The following XRCC4 variants were observed in gnomAD, a reference collection of about 807,000 sequenced individuals.
XRCC4 encodes the protein X-ray repair cross complementing 4, also known as DNA repair protein XRCC4.
Under a neutral mutation model 39.1 loss-of-function variants are expected in XRCC4, and 28 were observed. The observed-to-expected ratio is 0.72, with a 90% confidence interval of 0.53 to 0.98. The LOEUF is 0.98. XRCC4 is among the 50% of genes least tolerant of loss of function. XRCC4 has a pLI of 0.00. For synonymous variants in XRCC4, 123 were observed against 126.4 expected (o/e 0.97, Z 0.18); for missense variants, 350 against 376.4 (o/e 0.93, Z 0.58).
chr5:83,208,898 A>G (rs1475494721), intron 6 of XRCC4, among the ~76,000 whole-genome samples: 8 of 152,050 alleles, frequency 5.3e-5, no homozygotes, highest in African/African-American at 1.4e-4. Context: ...CCTGGATTTT[A>G]TAGGTATTTC....
At chr5:83,255,670 A>G (rs1753510347) in intron 6 of XRCC4, among the ~76,000 whole-genome samples, 1 of 152,308 alleles carries the variant, frequency 6.6e-6, no homozygotes, top group Non-Finnish European at 1.5e-5. Context: ...CTAAATATTT[A>G]CTTGTAAGTA....
intron 6 of XRCC4, among the ~76,000 whole-genome samples, chr5:83,256,659 T>C (rs972001649): frequency 1.3e-5 from 2 of 151,986 alleles, no homozygotes; most frequent in Non-Finnish European, 2.9e-5. Flanking sequence ...AAAAACTTCC[T>C]TTTTAATTTA....
intron 1 of XRCC4, among the ~76,000 whole-genome samples, chr5:83,093,443 C>T (rs1403623196): frequency 6.6e-6 from 1 of 152,170 alleles, no homozygotes; most frequent in African/African-American, 2.4e-5. Context: ...TTAAGCAACA[C>T]TTTAAATGAA....
At chr5:83,183,999 G>A (rs1750322297) in intron 3 of XRCC4, among the ~76,000 whole-genome samples, 1 of 151,780 alleles carries the variant, frequency 6.6e-6, no homozygotes. Flanking sequence ...AGTTTTTCAG[G>A]GGAATATTTT....
intron 6 of XRCC4, among the ~76,000 whole-genome samples, chr5:83,236,093 T>G (rs1041086809): frequency 6.6e-6 from 1 of 151,980 alleles, no homozygotes; most frequent in Non-Finnish European, 1.5e-5. Context: ...GGAAAGATAA[T>G]CCATGTTCAT....
intron 1 of XRCC4, among the ~76,000 whole-genome samples, chr5:83,096,317 G>A (rs1432742109): frequency 6.6e-6 from 1 of 152,146 alleles, no homozygotes; most frequent in Non-Finnish European, 1.5e-5. Flanking sequence ...AACCACAGAT[G>A]AGGGGGGCTG....
At chr5:83,224,980 G>C (rs1203995025) in intron 6 of XRCC4, among the ~76,000 whole-genome samples, 3 of 152,058 alleles carry the variant, frequency 2.0e-5, no homozygotes, top group African/African-American at 7.2e-5. Context: ...GATTTATCTT[G>C]TTTATTTGTT....
At chr5:83,137,849 A>C (rs2112507168) in intron 3 of XRCC4, among the ~76,000 whole-genome samples, 1 of 152,254 alleles carries the variant, frequency 6.6e-6, no homozygotes, top group South Asian at 2.1e-4. Flanking sequence ...GTATATAGTA[A>C]ATTCCTTGAG....
At chr5:83,128,745 T>C (rs1268679213) in intron 3 of XRCC4, among the ~76,000 whole-genome samples, 3 of 152,306 alleles carry the variant, frequency 2.0e-5, no homozygotes, top group East Asian at 3.9e-4. Flanking sequence ...CATTTTTTCA[T>C]GTGTTTTTGG....
chr5:83,202,943 T>C (rs1329224501), intron 4 of XRCC4, among the ~76,000 whole-genome samples: 2 of 152,182 alleles, frequency 1.3e-5, no homozygotes, highest in Non-Finnish European at 2.9e-5. Context: ...TGAAGATATG[T>C]AGTGTTTTAC....
At chr5:83,181,442 G>A (rs957835552) in intron 3 of XRCC4, among the ~76,000 whole-genome samples, 1 of 150,368 alleles carries the variant, frequency 6.7e-6, no homozygotes, top group Non-Finnish European at 1.5e-5. Context: ...GTCTTCTCTC[G>A]GTATTTAGAC....
At chr5:83,309,296 A>AAAAAAAAATATATATATAT (rs1561467702) in intron 7 of XRCC4, among the ~76,000 whole-genome samples, 4 of 72,232 alleles carry the variant, frequency 5.5e-5, no homozygotes, top group African/African-American at 1.7e-4. Context: ...AAAAAAAAAA[A>AAAAAAAAATATATATATAT]ATATATATAT....
In XRCC4 at chr5:83,264,614, C is replaced by T. The variant is rs375870821; in HGVS notation, c.893+5937C>T. On this transcript the variant is annotated intron_variant, in intron 7 of 7. Coordinates refer to ENST00000396027, the MANE Select transcript of XRCC4 (RefSeq NM_003401.5). ...TGAGCATATGGGAAACTCGTAATCC[C>T]ACCCACCTGGAGATGACCACCGTTG... is the stretch of plus-strand genomic sequence containing the variant. Among the ~76,000 whole-genome samples, 11 of 152,100 alleles carry T rather than the reference C, an allele frequency of 7.2e-5. No individual in the cohort carries two copies. The East Asian group carries it at 1.7e-3, about 24-fold the overall frequency.
chr5:83,122,478 C>T (rs1747057063), intron 3 of XRCC4, among the ~76,000 whole-genome samples: 1 of 152,078 alleles, frequency 6.6e-6, no homozygotes, highest in Non-Finnish European at 1.5e-5. Context: ...CTTCCCTCCA[C>T]CCCAAAAATT....
Position 83,083,238 on chromosome 5 carries a change from T to C in XRCC4, c.-11+5623T>C, listed in dbSNP as rs77945979. Among the ~76,000 whole-genome samples, 911 of 152,322 alleles carry C rather than the reference T, an allele frequency of 6.0e-3. 7 individuals are homozygous for C. The highest frequency in any genetic ancestry group is 0.021 in the African/African-American group (862 of 41,560). On this transcript the variant is annotated intron_variant, in intron 1 of 7. Coordinates refer to ENST00000396027, the MANE Select transcript of XRCC4 (RefSeq NM_003401.5). Reference sequence around the variant, plus strand: ...TTAATTGTGTTCCCCTATTAAAATGTAAAATCCATGAAGGCAGGCATTTTT... The same window carrying C: ...TTAATTGTGTTCCCCTATTAAAATGCAAAATCCATGAAGGCAGGCATTTTT...
intron 3 of XRCC4, among the ~76,000 whole-genome samples, chr5:83,168,805 A>G (rs532143630): frequency 6.6e-6 from 1 of 152,230 alleles, no homozygotes; most frequent in Non-Finnish European, 1.5e-5. Context: ...ACATCAGCCA[A>G]AATACTGCTT....
intron 4 of XRCC4, chr5:83,201,121 G>A (rs769556122): frequency 6.6e-6 from 1 of 152,118 alleles, no homozygotes; most frequent in African/African-American, 2.4e-5. Context: ...TATTAAATGA[G>A]GGAAAAAATA....
chr5:83,079,441 T>C (rs571035680), intron 1 of XRCC4, among the ~76,000 whole-genome samples: 2 of 152,320 alleles, frequency 1.3e-5, no homozygotes, highest in South Asian at 4.1e-4. Flanking sequence ...TCTGGCAGCT[T>C]TGCAGTGAAT....
At chr5:83,294,377 G>A (rs1465035697) in intron 7 of XRCC4, among the ~76,000 whole-genome samples, 3 of 152,012 alleles carry the variant, frequency 2.0e-5, no homozygotes, top group Non-Finnish European at 4.4e-5. Context: ...ATAAAGTTAT[G>A]AAATAGTTCA....
Sources: allele counts gnomAD v4.1 joint callset (sites outside exome capture counted in the v4.1 genomes callset), GRCh38; gene constraint gnomAD v4.1.1; transcripts MANE v1.5; gene names NCBI Gene and HGNC (gene_info 2026-07-23, HGNC 2026-07-21).